Variants in EPB41L2 observed in about 807,000 individuals in gnomAD.
EPB41L2 encodes erythrocyte membrane protein band 4.1 like 2.
A neutral mutation model predicts 113.0 loss-of-function variants in EPB41L2; 43 were observed. That is an observed-to-expected ratio of 0.38 (90% CI 0.30 to 0.49). The LOEUF (loss-of-function observed/expected upper bound fraction) is 0.49, where lower values mean the gene tolerates loss of function less well. EPB41L2 is among the 20% of genes least tolerant of loss of function. The pLI, the probability that EPB41L2 is intolerant of heterozygous loss-of-function variation, is 0.95. For synonymous variants in EPB41L2, 442 were observed against 436.7 expected, an observed-to-expected ratio of 1.01 and a Z score of -0.15; for missense variants, 1,147 against 1,223.4, an observed-to-expected ratio of 0.94 and a Z score of 0.93.
chr6:130,843,549 G>A (rs1221777307), intron 19 of EPB41L2, among the ~76,000 whole-genome samples: 1 of 152,144 alleles, frequency 6.6e-6, no homozygotes, highest in Non-Finnish European at 1.5e-5. Context: ...CACTATCACA[G>A]GTTCATCCTG....
chr6:130,961,690 C>T (rs1469456119), intron 1 of EPB41L2, among the ~76,000 whole-genome samples: 1 of 152,164 alleles, frequency 6.6e-6, no homozygotes, highest in Non-Finnish European at 1.5e-5. Flanking sequence ...TTACTGTTAA[C>T]AAAACCCCTG....
intron 18 of EPB41L2, among the ~76,000 whole-genome samples, chr6:130,860,708 C>A (rs922078292): frequency 6.6e-6 from 1 of 151,070 alleles, no homozygotes; most frequent in South Asian, 2.1e-4. Flanking sequence ...AATTTTTTTT[C>A]TATTTTTAGT....
intron 1 of EPB41L2, among the ~76,000 whole-genome samples, chr6:130,993,545 A>G (rs973355788): frequency 8.5e-5 from 13 of 152,182 alleles, no homozygotes; most frequent in Admixed American, 7.9e-4. Context: ...GGGGTTTTAT[A>G]GTCTGCTGTA....
intron 1 of EPB41L2, among the ~76,000 whole-genome samples, chr6:130,986,758 T>C (rs1172443588): frequency 6.6e-6 from 1 of 152,086 alleles, no homozygotes; most frequent in Non-Finnish European, 1.5e-5. Flanking sequence ...GCTCATGTTC[T>C]GAGATAGTAG....
chr6:131,056,937 T>C (rs1584827396), intron 1 of EPB41L2, among the ~76,000 whole-genome samples: 1 of 152,182 alleles, frequency 6.6e-6, no homozygotes, highest in Non-Finnish European at 1.5e-5. Flanking sequence ...GCCAGGATTA[T>C]ATCAGAATTC....
At position 130,894,395 on chromosome 6, in the gene EPB41L2, C is replaced by T. The variant is rs748765113; in HGVS notation, c.1436G>A (p.Arg479Gln). Reference sequence around the variant, plus strand: ...CACTTTCCATAGTCTTTTCGCTGCCCGGTGGTTTGGCAGTTTGAATCCAAT... The same window carrying T: ...CACTTTCCATAGTCTTTTCGCTGCCTGGTGGTTTGGCAGTTTGAATCCAAT... ...STIGFKLPNH[R>Q]AAKRLWKVCV... is the part of the protein sequence containing the mutation. Residue 479 changes from arginine to glutamine, a missense_variant, in exon 10 of 20, where the codon CGG becomes CAG. By Grantham distance (43) the Arg-to-Gln change is conservative (BLOSUM62 1). Coordinates refer to ENST00000337057, the MANE Select transcript of EPB41L2 (RefSeq NM_001431.4). 3.2e-5 allele frequency: 51 copies of T among 1,613,838 alleles called. No individual in the cohort carries two copies. The highest frequency in any genetic ancestry group is 4.2e-5 in the Non-Finnish European group (49 of 1,179,868).
At chr6:130,996,527 A>T (rs1483035780) in intron 1 of EPB41L2, among the ~76,000 whole-genome samples, 1 of 152,258 alleles carries the variant, frequency 6.6e-6, no homozygotes, top group Non-Finnish European at 1.5e-5. Context: ...TTTCTGATGC[A>T]CATCTTCTGT....
chr6:130,937,781 C>T (rs149969656), intron 3 of EPB41L2, among the ~76,000 whole-genome samples: 6,918 of 147,122 alleles, frequency 0.047, 236 homozygotes, highest in East Asian at 0.12. Flanking sequence ...GTGCCACTGC[C>T]CTCCGGCCTG....
intron 1 of EPB41L2, among the ~76,000 whole-genome samples, chr6:131,059,790 C>A (rs147181673): frequency 6.6e-6 from 1 of 152,080 alleles, no homozygotes; most frequent in Non-Finnish European, 1.5e-5. Context: ...TTGCTGACTA[C>A]GAAAGCCAGC....
intron 1 of EPB41L2, among the ~76,000 whole-genome samples, chr6:130,997,370 C>T (rs1783381399): frequency 6.6e-6 from 1 of 152,178 alleles, no homozygotes; most frequent in Non-Finnish European, 1.5e-5. Context: ...AGAGTTCCTG[C>T]TCAGAAGTTG....
chr6:131,013,758 C>T (rs1268750674), intron 1 of EPB41L2, among the ~76,000 whole-genome samples: 5 of 152,124 alleles, frequency 3.3e-5, no homozygotes, highest in African/African-American at 1.2e-4. Flanking sequence ...GAGCCAAATG[C>T]ACACAATTTT....
intron 18 of EPB41L2, among the ~76,000 whole-genome samples, chr6:130,862,470 A>G (rs1335257783): frequency 2.0e-5 from 3 of 152,328 alleles, no homozygotes; most frequent in Middle Eastern, 3.4e-3. Context: ...GCGAAACTCA[A>G]GACTGTTCCA....
intron 1 of EPB41L2, among the ~76,000 whole-genome samples, chr6:130,997,686 G>A (rs1362472647): frequency 6.6e-6 from 1 of 152,168 alleles, no homozygotes; most frequent in Non-Finnish European, 1.5e-5. Context: ...AGTGACAAAG[G>A]CACTTCTTTA....
intron 1 of EPB41L2, among the ~76,000 whole-genome samples, chr6:131,036,268 C>T (rs903671338): frequency 1.2e-4 from 18 of 151,994 alleles, no homozygotes; most frequent in Admixed American, 6.6e-4. Flanking sequence ...GTATAGAAGT[C>T]AGGAAACGAT....
intron 5 of EPB41L2, among the ~76,000 whole-genome samples, chr6:130,908,321 G>A (rs1407356413): frequency 3.3e-5 from 5 of 152,158 alleles, no homozygotes; most frequent in African/African-American, 4.8e-5. Context: ...TAGAACCAAT[G>A]AGCAGAGATG....
At chr6:130,985,338 A>G (rs1780297023) in intron 1 of EPB41L2, among the ~76,000 whole-genome samples, 1 of 151,482 alleles carries the variant, frequency 6.6e-6, no homozygotes, top group Non-Finnish European at 1.5e-5. Context: ...ACCATCCCGC[A>G]TCTCCTCTCC....
Position 130,870,103 on chromosome 6 carries a change from T to C in EPB41L2, c.2067A>G (p.Ile689Met), listed in dbSNP as rs1457703130. 2 of 1,612,576 alleles carry C rather than the reference T, an allele frequency of 1.2e-6. No homozygotes were observed. Among genetic ancestry groups the C allele is most frequent in the Non-Finnish European group, 1.7e-6 (2 of 1,179,036 alleles). Residue 689 changes from isoleucine to methionine, a missense_variant, in exon 15 of 20, where the codon ATA becomes ATG. Physicochemically the swap from Ile to Met is conservative, Grantham distance 10 (BLOSUM62 1). Transcript: ENST00000337057. The part of the protein sequence containing the change: ...TQGSSHETLN[I>M]VEEKKRAEVG... ...CCTCTGCCCGCTTCTTCTCCTCCAC[T>C]ATATTCAGAGTCTCATGTGAACTCT... is the stretch of plus-strand genomic sequence containing the variant.
At chr6:131,021,599 T>C (rs952773497) in intron 1 of EPB41L2, among the ~76,000 whole-genome samples, 4 of 151,952 alleles carry the variant, frequency 2.6e-5, no homozygotes, top group African/African-American at 9.7e-5. Flanking sequence ...AGGCAGAGGT[T>C]GCAGTGAGCC....
At chr6:130,856,071 G>A (rs1052290088) in intron 19 of EPB41L2, among the ~76,000 whole-genome samples, 2 of 152,126 alleles carry the variant, frequency 1.3e-5, no homozygotes, top group African/African-American at 4.8e-5. Context: ...CTTCAATACA[G>A]TGCTGGAATG....
Sources: gnomAD v4.1 joint callset for allele counts (sites outside exome capture counted in the v4.1 genomes callset) on GRCh38, gnomAD v4.1.1 for gene constraint, MANE v1.5 for transcripts, NCBI Gene and HGNC (gene_info 2026-07-23, HGNC 2026-07-21) for gene names.